MLLT3: variants seen among roughly 807,000 people sequenced by gnomAD.
The protein encoded by MLLT3 is protein AF-9.
Under a neutral mutation model 53.2 loss-of-function variants are expected in MLLT3, and 4 were observed. The ratio of observed to expected loss-of-function variants is 0.08; its 90% CI spans 0.04 to 0.17. The LOEUF (loss-of-function observed/expected upper bound fraction) is 0.17. Ranked by LOEUF, MLLT3 falls within the 10% of genes least tolerant of loss-of-function variation. MLLT3 has a pLI of 1.00. For missense variants in MLLT3, 569 were observed against 684.0 expected (o/e 0.83, Z 1.87); for synonymous variants, 283 against 230.6 (o/e 1.23, Z -2.06).
chr9:20,551,655 T>C (rs1363586647), intron 2 of MLLT3, among the ~76,000 whole-genome samples: 2 of 152,158 alleles, frequency 1.3e-5, no homozygotes, highest in Non-Finnish European at 2.9e-5. Flanking sequence ...TGCTCATTGA[T>C]CAAGGTGACA....
Position 20,620,633 on chromosome 9 carries a change from C to G in MLLT3, c.193+21G>C, listed in dbSNP as rs879010942. 4 of 1,607,928 alleles carry G rather than the reference C, an allele frequency of 2.5e-6. No individual in the cohort carries two copies. Among genetic ancestry groups the G allele is most frequent in the Non-Finnish European group, 1.7e-6 (2 of 1,175,840 alleles). On this transcript the variant is annotated intron_variant, in intron 2 of 10. Coordinates refer to ENST00000380338, the MANE Select transcript of MLLT3 (RefSeq NM_004529.4). This position sits in a 1 kb window ranked among gnomAD's most constrained non-coding sequence, Gnocchi z 6.1. ...TTTCAAAGACATTTTTTATCAAGAC[C>G]CTTTTGTATTCGAGCCCTACCTCTT... is the stretch of plus-strand genomic sequence containing the variant.
At chr9:20,400,860 C>T (rs967009932) in intron 5 of MLLT3, among the ~76,000 whole-genome samples, 1 of 152,074 alleles carries the variant, frequency 6.6e-6, no homozygotes, top group Non-Finnish European at 1.5e-5. Context: ...TGACCCATAA[C>T]ACCATAATTT....
chr9:20,545,919 G>T, intron 2 of MLLT3, among the ~76,000 whole-genome samples: 1 of 150,954 alleles, frequency 6.6e-6, no homozygotes, highest in East Asian at 1.9e-4. Context: ...GAGAAAGACT[G>T]AGGCAGAAGG....
intron 5 of MLLT3, among the ~76,000 whole-genome samples, chr9:20,401,229 T>C (rs1469831422): frequency 6.6e-6 from 1 of 152,210 alleles, no homozygotes; most frequent in Non-Finnish European, 1.5e-5. Flanking sequence ...AAGCATTGTA[T>C]TATCCCCAGT....
At chr9:20,396,689 G>A (rs75543225) in intron 5 of MLLT3, among the ~76,000 whole-genome samples, 1,528 of 152,234 alleles carry the variant, frequency 0.01, 32 homozygotes, top group African/African-American at 0.035. Flanking sequence ...GTTGGTGGGC[G>A]TAGATGCCGT....
rs1820747192 is a variant in MLLT3 at position 20,341,983 on chromosome 9, G to A, written c.*4460C>T. On this transcript the variant is annotated 3_prime_UTR_variant, in exon 11 of 11. Transcript: ENST00000380338. ...CACAGAAGATGGTGTTAGACATGAG[G>A]GACTCCTAAAATGAATGAGGCATGG... 1 of 204,038 alleles carries A rather than the reference G, an allele frequency of 4.9e-6. No homozygotes were observed. Among genetic ancestry groups the A allele is most frequent in the Non-Finnish European group, 1.0e-5 (1 of 99,728 alleles). The allele number at this position is 204,038 out of a possible 1,614,324, so 12.6% of individuals were successfully genotyped here. A position where few individuals can be genotyped will look rare whatever the true frequency, so the allele number is the denominator to read the frequency against.
chr9:20,506,384 C>A (rs933034707), intron 2 of MLLT3, among the ~76,000 whole-genome samples: 10 of 152,174 alleles, frequency 6.6e-5, no homozygotes, highest in African/African-American at 2.4e-4. Context: ...CCTGGGACCA[C>A]TGGTTAGACT....
intron 2 of MLLT3, among the ~76,000 whole-genome samples, chr9:20,500,371 C>T (rs761096518): frequency 3.3e-5 from 5 of 152,162 alleles, no homozygotes; most frequent in African/African-American, 4.8e-5. Context: ...GGAGCATCAC[C>T]TTTTCTGATC....
At chr9:20,571,228 A>G (rs1490813814) in intron 2 of MLLT3, among the ~76,000 whole-genome samples, 1 of 152,232 alleles carries the variant, frequency 6.6e-6, no homozygotes, top group African/African-American at 2.4e-5. Context: ...AAAACCTTTT[A>G]ACTGCAACAA....
intron 2 of MLLT3, among the ~76,000 whole-genome samples, chr9:20,477,818 T>C (rs1824564037): frequency 6.6e-6 from 1 of 152,138 alleles, no homozygotes; most frequent in South Asian, 2.1e-4. Context: ...TAAAATGAGA[T>C]GACCAACACT....
chr9:20,347,639 G>A (rs1820909964), intron 10 of MLLT3, among the ~76,000 whole-genome samples: 1 of 152,160 alleles, frequency 6.6e-6, no homozygotes, highest in Non-Finnish European at 1.5e-5. Context: ...CATGGATGCT[G>A]TATCTGGGCA....
intron 2 of MLLT3, among the ~76,000 whole-genome samples, chr9:20,570,701 T>C (rs73434540): frequency 0.024 from 3,657 of 152,224 alleles, 166 homozygotes; most frequent in African/African-American, 0.082. Flanking sequence ...TGTTAAACGA[T>C]TAACTTTCAA....
At chr9:20,409,744 ATTC>A (rs1184056836) in intron 5 of MLLT3, among the ~76,000 whole-genome samples, 1 of 152,186 alleles carries the variant, frequency 6.6e-6, no homozygotes, top group East Asian at 1.9e-4. Flanking sequence ...CCCCTACCAA[ATTC>A]TTCTGTAGGG....
At chr9:20,397,270 T>C (rs2031689675) in intron 5 of MLLT3, among the ~76,000 whole-genome samples, 1 of 152,182 alleles carries the variant, frequency 6.6e-6, no homozygotes, top group African/African-American at 2.4e-5. Flanking sequence ...TTGCTTTTTG[T>C]ACATTATTGG....
rs199639679 is a variant in MLLT3 at position 20,601,843 on chromosome 9, C to T, written c.193+18811G>A. Among the ~76,000 whole-genome samples, 282 of 152,210 alleles carry T rather than the reference C, an allele frequency of 1.9e-3. 1 individual carries two copies. The highest frequency in any genetic ancestry group is 6.7e-3 in the African/African-American group (277 of 41,532). On this transcript the variant is annotated intron_variant, in intron 2 of 10. Transcript: ENST00000380338. Reference sequence around the variant, plus strand: ...TATAAATAGCACCAAATTGTCAAATCACAGCTATTTTGTGTGCTACCTATA... The same window carrying T: ...TATAAATAGCACCAAATTGTCAAATTACAGCTATTTTGTGTGCTACCTATA...
intron 5 of MLLT3, among the ~76,000 whole-genome samples, chr9:20,381,526 C>A (rs961075984): frequency 6.6e-6 from 1 of 151,782 alleles, no homozygotes; most frequent in African/African-American, 2.4e-5. Context: ...TTATATTTGC[C>A]ATGTATATTA....
intron 2 of MLLT3, among the ~76,000 whole-genome samples, chr9:20,578,733 CATTAT>C (rs1360590100): frequency 1.3e-5 from 2 of 151,840 alleles, no homozygotes; most frequent in Non-Finnish European, 2.9e-5. Context: ...AACCCTTGAA[CATTAT>C]ATTGGGAACA....
At chr9:20,375,181 G>A (rs1055280120) in intron 5 of MLLT3, among the ~76,000 whole-genome samples, 1 of 152,204 alleles carries the variant, frequency 6.6e-6, no homozygotes, top group Non-Finnish European at 1.5e-5. Context: ...AGATAGCAGG[G>A]TGCATTTTAG....
intron 3 of MLLT3, among the ~76,000 whole-genome samples, chr9:20,452,851 T>C (rs1586959712): frequency 3.9e-5 from 6 of 152,298 alleles, no homozygotes; most frequent in Admixed American, 3.9e-4. Context: ...GTGGTTACCA[T>C]GGGCTGGGGA....
Sources: gnomAD v4.1 joint callset for allele counts (sites outside exome capture counted in the v4.1 genomes callset) on GRCh38, gnomAD v4.1.1 for gene constraint, Gnocchi (gnomAD v3.1) non-coding constraint, MANE v1.5 for transcripts, NCBI Gene and HGNC (gene_info 2026-07-23, HGNC 2026-07-21) for gene names.